EYS: variants seen among roughly 807,000 people sequenced by gnomAD.
EYS encodes EGF-like photoreceptor maintenance factor, also known as protein eyes shut homolog.
In EYS, 250 loss-of-function variants were observed where a neutral mutation model predicts 282.1. That is an observed-to-expected ratio of 0.89 (90% CI 0.80 to 0.98). The LOEUF (loss-of-function observed/expected upper bound fraction) is 0.98, where lower values mean the gene tolerates loss of function less well. Ranked by LOEUF, EYS falls within the 50% of genes least tolerant of loss-of-function variation. The pLI is 0.00. For missense variants in EYS, 4,016 were observed against 3,709.0 expected (o/e 1.08, Z -2.15); for synonymous variants, 1,355 against 1,282.9 (o/e 1.06, Z -1.20).
intron 36 of EYS, among the ~76,000 whole-genome samples, chr6:63,863,679 T>TCTTTC (rs4034986): frequency 9.3e-5 from 13 of 139,234 alleles, no homozygotes; most frequent in African/African-American, 3.5e-4. Flanking sequence ...TTTTTTCTTT[T>TCTTTC]TTTTTTTTTT....
chr6:64,242,707 G>C (rs933789199), intron 30 of EYS, among the ~76,000 whole-genome samples: 1 of 151,258 alleles, frequency 6.6e-6, no homozygotes, highest in Admixed American at 6.6e-5. Flanking sequence ...CTACATCTAA[G>C]GATAATATTT....
chr6:63,831,294 C>A (rs1202894415), intron 36 of EYS, among the ~76,000 whole-genome samples: 2 of 152,006 alleles, frequency 1.3e-5, no homozygotes, highest in Admixed American at 6.6e-5. Context: ...GAGTCAAGAC[C>A]CATCAGTGTG....
chr6:64,994,478 A>G (rs1771180280), intron 14 of EYS, among the ~76,000 whole-genome samples: 1 of 152,144 alleles, frequency 6.6e-6, no homozygotes, highest in Admixed American at 6.6e-5. Flanking sequence ...TGGACAGTCC[A>G]GCTCATACAA....
intron 12 of EYS, among the ~76,000 whole-genome samples, chr6:65,222,472 C>A (rs1262444863): frequency 6.6e-6 from 1 of 152,126 alleles, no homozygotes; most frequent in Non-Finnish European, 1.5e-5. Context: ...CATCTTCTGC[C>A]ATGATTGTGA....
intron 12 of EYS, among the ~76,000 whole-genome samples, chr6:65,250,250 AGT>A (rs1767287288): frequency 1.3e-5 from 2 of 152,164 alleles, no homozygotes; most frequent in African/African-American, 4.8e-5. Context: ...AAGTCTGGAG[AGT>A]GTTCTGGAAA....
intron 30 of EYS, among the ~76,000 whole-genome samples, chr6:64,290,004 C>T (rs1193522438): frequency 6.6e-6 from 1 of 152,010 alleles, no homozygotes; most frequent in Non-Finnish European, 1.5e-5. Context: ...GACTTAAAGG[C>T]ACTATCTACT....
intron 2 of EYS, among the ~76,000 whole-genome samples, chr6:65,534,173 A>G (rs1006112683): frequency 2.6e-5 from 4 of 152,206 alleles, no homozygotes; most frequent in African/African-American, 9.6e-5. Flanking sequence ...TCCTAGTTCC[A>G]AATCACCTTA....
Position 65,334,990 on chromosome 6 carries a change from T to A in EYS, c.1756A>T (p.Asn586Tyr). The A allele has an allele frequency of 6.2e-7, 1 of 1,608,598 alleles. No homozygotes were observed. The highest frequency in any genetic ancestry group is 1.7e-4 in the Middle Eastern group (1 of 6,032). The change falls in exon 11 of 43, where the codon AAT becomes TAT. Residue 586 changes from asparagine (N) to tyrosine (Y), a missense_variant. Physicochemically the swap from Asn to Tyr is moderately radical, Grantham distance 143. Coordinates refer to ENST00000503581, the MANE Select transcript of EYS (RefSeq NM_001142800.2). ...QHEAVCKDEI[N>Y]RPRCSCSLSY... ...ATGATACATAAATACCTGGGTCTATTAATTTCATCTTTACAAACAGCTTCA... is the reference window on the plus strand; with the variant it reads ...ATGATACATAAATACCTGGGTCTATAAATTTCATCTTTACAAACAGCTTCA...
In EYS at chr6:65,443,253, T is replaced by C. The variant is rs917698160; in HGVS notation, c.863-37886A>G. ...ATGTGAACATATAGACATATGTGTA[T>C]ACATATATGCAAACATATAGACATG... On this transcript the variant is annotated intron_variant, in intron 5 of 42. Coordinates refer to ENST00000503581, the MANE Select transcript of EYS (RefSeq NM_001142800.2). Among the ~76,000 whole-genome samples the C allele has an allele frequency of 2.9e-5, 4 of 138,890 alleles. 1 individual carries two copies. Among genetic ancestry groups the C allele is most frequent in the African/African-American group, 9.9e-5 (4 of 40,602 alleles). 91.1% of individuals were successfully genotyped at this position (138,890 alleles called of 152,430 possible).
intron 2 of EYS, among the ~76,000 whole-genome samples, chr6:65,553,973 T>C (rs1183502765): frequency 6.6e-6 from 1 of 152,148 alleles, no homozygotes; most frequent in Non-Finnish European, 1.5e-5. Context: ...CAACTACCCA[T>C]GTGACATTAG....
intron 12 of EYS, among the ~76,000 whole-genome samples, chr6:65,100,738 T>C (rs1774870918): frequency 6.6e-6 from 1 of 150,416 alleles, no homozygotes; most frequent in Non-Finnish European, 1.5e-5. Context: ...ACTTCGTTTG[T>C]TTTACCAAAT....
At chr6:65,363,370 A>G (rs1343652667) in intron 8 of EYS, among the ~76,000 whole-genome samples, 1 of 151,974 alleles carries the variant, frequency 6.6e-6, no homozygotes, top group Non-Finnish European at 1.5e-5. Context: ...ATAAACAATC[A>G]ATTAAGCAAT....
At chr6:65,591,946 C>G (rs1412074362) in intron 2 of EYS, among the ~76,000 whole-genome samples, 1 of 151,944 alleles carries the variant, frequency 6.6e-6, no homozygotes, top group Admixed American at 6.6e-5. Context: ...TATCTTGTCA[C>G]AGGCAAGCAC....
chr6:64,798,130 A>G (rs1774417309), intron 22 of EYS, among the ~76,000 whole-genome samples: 1 of 151,888 alleles, frequency 6.6e-6, no homozygotes. Flanking sequence ...TCAGAGAGAA[A>G]TTTTGTCACA....
intron 12 of EYS, among the ~76,000 whole-genome samples, chr6:65,247,356 C>T (rs1015541781): frequency 2.6e-5 from 4 of 152,012 alleles, no homozygotes; most frequent in Non-Finnish European, 5.9e-5. Context: ...GAGAAGTTTC[C>T]TCTGATAACT....
chr6:64,124,248 A>G (rs1225220993), intron 31 of EYS, among the ~76,000 whole-genome samples: 1 of 152,218 alleles, frequency 6.6e-6, no homozygotes, highest in Non-Finnish European at 1.5e-5. Flanking sequence ...AGTAAGTACA[A>G]GAAACATACT....
intron 12 of EYS, among the ~76,000 whole-genome samples, chr6:65,078,861 T>A (rs867296632): frequency 6.6e-5 from 10 of 151,560 alleles, no homozygotes; most frequent in African/African-American, 2.4e-4. Context: ...AAATAGTGAG[T>A]ACTCATGAGA....
intron 26 of EYS, among the ~76,000 whole-genome samples, chr6:64,481,397 T>A (rs975200000): frequency 6.7e-6 from 1 of 148,412 alleles, no homozygotes; most frequent in South Asian, 2.1e-4. Context: ...GTTAACTCTG[T>A]TGCAGAGTGA....
chr6:65,024,512 C>A (rs1772340047), intron 13 of EYS, among the ~76,000 whole-genome samples: 1 of 152,050 alleles, frequency 6.6e-6, no homozygotes. Flanking sequence ...TTCAGAATGC[C>A]CATGTGCTTC....
Sources: gnomAD v4.1 joint callset for allele counts (sites outside exome capture counted in the v4.1 genomes callset) on GRCh38, gnomAD v4.1.1 for gene constraint, MANE v1.5 for transcripts, NCBI Gene and HGNC (gene_info 2026-07-23, HGNC 2026-07-21) for gene names.